FHIT: variants seen among roughly 807,000 people sequenced by gnomAD.
FHIT encodes fragile histidine triad diadenosine triphosphatase.
FHIT carries 19 observed loss-of-function variants against 17.9 expected under a neutral mutation model. The observed-to-expected ratio is 1.06, with a 90% CI of 0.74 to 1.56. FHIT has a LOEUF of 1.56. Ranked by LOEUF, FHIT falls within the 40% of genes most tolerant of loss-of-function variation. FHIT has a pLI of 0.00. For missense variants in FHIT, 248 were observed against 189.2 expected (o/e 1.31, Z -1.82); for synonymous variants, 81 against 69.7 (o/e 1.16, Z -0.81).
intron 5 of FHIT, among the ~76,000 whole-genome samples, chr3:60,385,295 C>G (rs1016818072): frequency 6.6e-6 from 1 of 152,144 alleles, no homozygotes. Flanking sequence ...CTCAAGTACT[C>G]AATAACTTTT....
chr3:61,030,526 A>ATTTTTTTT (rs1210421626), intron 3 of FHIT, among the ~76,000 whole-genome samples: 2 of 152,264 alleles, frequency 1.3e-5, no homozygotes, highest in Non-Finnish European at 2.9e-5. Context: ...TGCCATATAC[A>ATTTTTTTT]TTTTAATCAT....
intron 1 of FHIT, among the ~76,000 whole-genome samples, chr3:61,203,730 G>A (rs2039109389): frequency 6.6e-6 from 1 of 152,182 alleles, no homozygotes. Context: ...ATGGAATAAA[G>A]AAGGGGGTAA....
intron 8 of FHIT, among the ~76,000 whole-genome samples, chr3:59,921,579 T>C (rs771142487): frequency 2.0e-5 from 3 of 152,236 alleles, no homozygotes; most frequent in Non-Finnish European, 4.4e-5. Context: ...TCCAGGGCAC[T>C]AGTGCTATCT....
chr3:60,941,588 TC>T (rs2107418742), intron 3 of FHIT, among the ~76,000 whole-genome samples: 1 of 152,272 alleles, frequency 6.6e-6, no homozygotes, highest in African/African-American at 2.4e-5. Flanking sequence ...TTATACTTTT[TC>T]TACTGACTAT....
intron 3 of FHIT, among the ~76,000 whole-genome samples, chr3:60,971,995 T>A (rs571539572): frequency 6.6e-6 from 1 of 152,288 alleles, no homozygotes; most frequent in African/African-American, 2.4e-5. Context: ...CGGTTATAAT[T>A]ATTCTTAATG....
chr3:59,759,398 C>T (rs912813135), intron 8 of FHIT, among the ~76,000 whole-genome samples: 3 of 152,110 alleles, frequency 2.0e-5, no homozygotes, highest in Admixed American at 6.5e-5. Flanking sequence ...GGAGAGGGGG[C>T]TCATTTGCCC....
intron 4 of FHIT, among the ~76,000 whole-genome samples, chr3:60,727,763 G>C (rs1434785157): frequency 2.6e-5 from 4 of 152,160 alleles, no homozygotes; most frequent in Non-Finnish European, 5.9e-5. Context: ...CAGCACTTTC[G>C]GAGGCCGAGG....
At chr3:60,660,717 T>C (rs539986576) in intron 4 of FHIT, among the ~76,000 whole-genome samples, 16 of 147,008 alleles carry the variant, frequency 1.1e-4, no homozygotes, top group Admixed American at 2.7e-4. Context: ...GTGGAATATC[T>C]TTTATTGTGC....
At chr3:60,441,730 T>TTA (rs34284077) in intron 5 of FHIT, among the ~76,000 whole-genome samples, 10,437 of 88,234 alleles carry the variant, frequency 0.12, 1,065 homozygotes, top group Middle Eastern at 0.2. Context: ...ATATTTGTAT[T>TTA]TATATATATA....
chr3:60,938,368 A>G (rs944510796), intron 3 of FHIT, among the ~76,000 whole-genome samples: 1 of 152,212 alleles, frequency 6.6e-6, no homozygotes, highest in Admixed American at 6.5e-5. Flanking sequence ...ACCAGGCTTC[A>G]GCCCCCTTGG....
intron 8 of FHIT, among the ~76,000 whole-genome samples, chr3:59,869,641 C>T (rs1351614525): frequency 8.5e-6 from 1 of 118,188 alleles, no homozygotes; most frequent in African/African-American, 3.8e-5. Flanking sequence ...GCCACCACGC[C>T]CAGCTAATTT....
intron 4 of FHIT, among the ~76,000 whole-genome samples, chr3:60,723,535 G>C (rs1348537388): frequency 3.3e-5 from 5 of 152,202 alleles, no homozygotes; most frequent in African/African-American, 1.2e-4. Context: ...TCTCTAATGA[G>C]TGCCCTAGTA....
At chr3:60,339,347 T>C (rs1710401205) in intron 5 of FHIT, among the ~76,000 whole-genome samples, 1 of 152,212 alleles carries the variant, frequency 6.6e-6, no homozygotes, top group East Asian at 1.9e-4. Flanking sequence ...TCTGAATCCA[T>C]ATCTGAAACA....
At chr3:59,819,762 A>G (rs1249188212) in intron 8 of FHIT, among the ~76,000 whole-genome samples, 1 of 152,210 alleles carries the variant, frequency 6.6e-6, no homozygotes, top group Non-Finnish European at 1.5e-5. Flanking sequence ...TACGGTCTGA[A>G]TGTATCTCTT....
chr3:60,560,329 T>C (rs1165481451), intron 4 of FHIT, among the ~76,000 whole-genome samples: 1 of 152,060 alleles, frequency 6.6e-6, no homozygotes, highest in African/African-American at 2.4e-5. Flanking sequence ...CTCTCTGTCT[T>C]ACATATTAGA....
chr3:60,821,228 G>A (rs998719475), intron 4 of FHIT, among the ~76,000 whole-genome samples: 6 of 151,976 alleles, frequency 3.9e-5, no homozygotes, highest in Admixed American at 6.6e-5. Context: ...CACCTACCTC[G>A]GCCTCCCAAA....
At chr3:59,946,568 G>A (rs1046445116) in intron 7 of FHIT, among the ~76,000 whole-genome samples, 1 of 152,096 alleles carries the variant, frequency 6.6e-6, no homozygotes, top group Admixed American at 6.5e-5. Context: ...GAAAAGGAGT[G>A]GTGAGAGTGG....
intron 3 of FHIT, among the ~76,000 whole-genome samples, chr3:60,985,248 C>T (rs187601779): frequency 1.3e-5 from 2 of 152,244 alleles, no homozygotes; most frequent in Admixed American, 1.3e-4. Flanking sequence ...TGAATACGTT[C>T]TGTGTTTTTT....
chr3:59,892,901 A>G (rs1281540666), intron 8 of FHIT, among the ~76,000 whole-genome samples: 2 of 152,226 alleles, frequency 1.3e-5, no homozygotes, highest in Admixed American at 1.3e-4. Context: ...GATCCTTGAA[A>G]AGCGTTTTCA....
Sources: gnomAD v4.1 joint callset for allele counts (sites outside exome capture counted in the v4.1 genomes callset) on GRCh38, gnomAD v4.1.1 for gene constraint, MANE v1.5 for transcripts, NCBI Gene and HGNC (gene_info 2026-07-23, HGNC 2026-07-21) for gene names.